The following CHD7 variants were observed in gnomAD, a reference collection of about 807,000 sequenced individuals.
CHD7 encodes chromodomain helicase DNA binding protein 7, also known as ATP-dependent chromatin remodeler CHD7.
CHD7 carries 24 observed loss-of-function variants against 307.3 expected under a neutral mutation model. That is an observed-to-expected ratio of 0.08 (90% CI 0.06 to 0.11). The LOEUF (loss-of-function observed/expected upper bound fraction) is 0.11. Among genes scored for constraint, CHD7 ranks in the 10% least tolerant of loss-of-function variants. The probability of loss-of-function intolerance (pLI) is 1.00; values close to 1 mark genes in which losing one functional copy is unlikely to be tolerated. For missense variants in CHD7, 3,106 were observed against 3,727.1 expected (o/e 0.83, Z 4.34); for synonymous variants, 1,363 against 1,349.9 (o/e 1.01, Z -0.21).
At position 60,832,076 on chromosome 8, in the gene CHD7, C is replaced by T. The variant is rs146574902; in HGVS notation, c.3778+1499C>T. On this transcript the variant is annotated intron_variant, in intron 15 of 37. Coordinates refer to ENST00000423902, the MANE Select transcript of CHD7 (RefSeq NM_017780.4). ...TCACTCTGGCGCCCAGGCTGTAGTGCGGTGGCACGATCTCGGCTCACTGCA... is the reference window on the plus strand; with the variant it reads ...TCACTCTGGCGCCCAGGCTGTAGTGTGGTGGCACGATCTCGGCTCACTGCA... Among the ~76,000 whole-genome samples, 1,163 of 152,182 alleles carry T rather than the reference C, an allele frequency of 7.6e-3. 18 individuals carry two copies. The highest frequency in any genetic ancestry group is 0.026 in the African/African-American group (1,079 of 41,506).
chr8:60,711,749 G>C (rs1306677875), intron 1 of CHD7, among the ~76,000 whole-genome samples: 2 of 152,186 alleles, frequency 1.3e-5, no homozygotes, highest in Non-Finnish European at 2.9e-5. Context: ...TTATTTTCTA[G>C]AGTGATAATT....
At chr8:60,719,686 C>T (rs889285478) in intron 1 of CHD7, among the ~76,000 whole-genome samples, 7 of 152,162 alleles carry the variant, frequency 4.6e-5, no homozygotes, top group African/African-American at 1.7e-4. Context: ...GGACCCTCCT[C>T]ATTCGGCAGG....
At chr8:60,679,438 T>TGGGG (rs374179440) in intron 1 of CHD7, 5 of 76,692 alleles carry the variant, frequency 6.5e-5, no homozygotes, top group Non-Finnish European at 9.6e-5. Flanking sequence ...GCTGCCGGCG[T>TGGGG]GGGGGGGGGG....
intron 24 of CHD7, 54 bp downstream of exon 24, chr8:60,848,658 G>T: frequency 7.4e-7 from 1 of 1,357,614 alleles, no homozygotes; most frequent in Non-Finnish European, 1.0e-6. Flanking sequence ...CTGGGTAGCC[G>T]GAAAACATCA....
At chr8:60,756,029 G>A (rs972423890) in intron 2 of CHD7, among the ~76,000 whole-genome samples, 3 of 152,104 alleles carry the variant, frequency 2.0e-5, no homozygotes, top group Non-Finnish European at 4.4e-5. Context: ...CTTGAAATGG[G>A]GCTAGTGAGG....
intron 2 of CHD7, among the ~76,000 whole-genome samples, chr8:60,761,975 C>T (rs1189249206): frequency 6.6e-6 from 1 of 152,134 alleles, no homozygotes; most frequent in African/African-American, 2.4e-5. Context: ...TCTGGTTGGG[C>T]TGGTCAGGAT....
At chr8:60,780,535 A>G (rs1811157624) in intron 2 of CHD7, among the ~76,000 whole-genome samples, 1 of 152,250 alleles carries the variant, frequency 6.6e-6, no homozygotes, top group African/African-American at 2.4e-5. Flanking sequence ...TCAGACTTTC[A>G]CAGTACTAGA....
chr8:60,711,875 C>G (rs1807296475), intron 1 of CHD7, among the ~76,000 whole-genome samples: 1 of 152,120 alleles, frequency 6.6e-6, no homozygotes, highest in African/African-American at 2.4e-5. Flanking sequence ...ACAAAATTAC[C>G]CATTCAACCT....
At chr8:60,710,142 G>GT (rs1335049107) in intron 1 of CHD7, among the ~76,000 whole-genome samples, 2 of 151,922 alleles carry the variant, frequency 1.3e-5, no homozygotes, top group Non-Finnish European at 2.9e-5. Context: ...GGAGGAGGCA[G>GT]TGGGGAAGAG....
intron 1 of CHD7, among the ~76,000 whole-genome samples, chr8:60,692,060 C>G (rs779710032): frequency 2.6e-5 from 4 of 151,920 alleles, no homozygotes; most frequent in African/African-American, 4.8e-5. Context: ...TGTGGTTAGA[C>G]CAATATGTTA....
Position 60,742,169 on chromosome 8 carries a change from C to T in CHD7, c.737C>T (p.Ala246Val). ...GTGCCCCAGCAGAGTCCCAGCATGG[C>T]ACCTTCCTTGCGTCACTCGGTGCAG... is the stretch of plus-strand genomic sequence containing the variant. The part of the protein sequence containing the change: ...SHVPQQSPSM[A>V]PSLRHSVQQF... Residue 246 changes from alanine (A) to valine (V), a missense_variant, in exon 2 of 38, where the codon GCA becomes GTA. Coordinates refer to ENST00000423902, the MANE Select transcript of CHD7 (RefSeq NM_017780.4). 2 of 1,613,970 alleles carry T rather than the reference C, an allele frequency of 1.2e-6. No homozygotes were observed. Among genetic ancestry groups the T allele is most frequent in the Non-Finnish European group, 1.7e-6 (2 of 1,179,890 alleles).
intron 1 of CHD7, among the ~76,000 whole-genome samples, chr8:60,690,234 C>T (rs530053716): frequency 6.6e-6 from 1 of 151,882 alleles, no homozygotes; most frequent in African/African-American, 2.4e-5. Flanking sequence ...ACTGCTTTCT[C>T]CCACACGAAT....
intron 14 of CHD7, among the ~76,000 whole-genome samples, chr8:60,829,752 C>T (rs1804417112): frequency 6.6e-6 from 1 of 152,212 alleles, no homozygotes; most frequent in Admixed American, 6.5e-5. Context: ...CACTGACTTA[C>T]TGTCTAAAAC....
intron 37 of CHD7, 125 bp from the exon 38 acceptor site, chr8:60,864,891 G>A: frequency 3.3e-6 from 3 of 917,158 alleles, no homozygotes; most frequent in Admixed American, 2.7e-5. Flanking sequence ...TCATTGAGCT[G>A]TTAGGAGGGA....
At chr8:60,791,012 C>T (rs1811749311) in intron 3 of CHD7, among the ~76,000 whole-genome samples, 1 of 152,058 alleles carries the variant, frequency 6.6e-6, no homozygotes, top group Non-Finnish European at 1.5e-5. Flanking sequence ...GGGAATAGTT[C>T]TGTATGCCTG....
intron 1 of CHD7, among the ~76,000 whole-genome samples, chr8:60,723,856 C>T (rs544047165): frequency 6.6e-6 from 1 of 152,278 alleles, no homozygotes; most frequent in South Asian, 2.1e-4. Flanking sequence ...TCTGCGAAGA[C>T]CCTGTTGCAT....
At chr8:60,790,354 T>G (rs1413484706) in intron 3 of CHD7, among the ~76,000 whole-genome samples, 4 of 152,142 alleles carry the variant, frequency 2.6e-5, no homozygotes, top group African/African-American at 9.7e-5. Context: ...GGCCTGCTTT[T>G]TGGTCATTAT....
rs368934543 is a variant in CHD7, at chr8:60,742,180, C to A, written c.748C>A (p.Arg250Ser). 1.9e-6 allele frequency: 3 copies of A among 1,613,932 alleles called. No individual in the cohort carries two copies. In the Admixed American group the frequency reaches 5.0e-5, roughly 27 times the overall value. Reference sequence around the variant, plus strand: ...GAGTCCCAGCATGGCACCTTCCTTGCGTCACTCGGTGCAGCAGTTCCATCA... The same window carrying A: ...GAGTCCCAGCATGGCACCTTCCTTGAGTCACTCGGTGCAGCAGTTCCATCA... The part of the protein sequence containing the change: ...QQSPSMAPSL[R>S]HSVQQFHHHP... Residue 250 changes from arginine to serine, a missense_variant, in exon 2 of 38, where the codon CGT becomes AGT. This residue lies in a region of CHD7 where 998 missense variants were observed against 1,004.5 expected (regional missense o/e 0.99). Coordinates refer to ENST00000423902, the MANE Select transcript of CHD7 (RefSeq NM_017780.4).
intron 1 of CHD7, among the ~76,000 whole-genome samples, chr8:60,733,508 C>T (rs902686060): frequency 7.9e-5 from 12 of 152,184 alleles, no homozygotes; most frequent in Non-Finnish European, 1.6e-4. Context: ...AAGGTGCTGG[C>T]CACCTTCTCA....
Sources: allele counts gnomAD v4.1 joint callset (sites outside exome capture counted in the v4.1 genomes callset), GRCh38; gene constraint gnomAD v4.1.1; regional missense constraint gnomAD v4.1.1; transcripts MANE v1.5; gene names NCBI Gene and HGNC (gene_info 2026-07-23, HGNC 2026-07-21).